GPR176: variants seen among roughly 807,000 people sequenced by gnomAD.
The protein encoded by GPR176 is G-protein coupled receptor 176.
Under a neutral mutation model 35.4 loss-of-function variants are expected in GPR176, and 26 were observed. The observed-to-expected ratio is 0.74, with a 90% confidence interval of 0.54 to 1.02. The LOEUF (loss-of-function observed/expected upper bound fraction) is 1.02, where lower values mean the gene tolerates loss of function less well. Ranked by LOEUF, GPR176 falls within the 50% of genes least tolerant of loss-of-function variation. The pLI is 0.00. For synonymous variants in GPR176, 278 were observed against 271.3 expected, an observed-to-expected ratio of 1.02 and a Z score of -0.24; for missense variants, 597 against 665.3, an observed-to-expected ratio of 0.90 and a Z score of 1.13.
intron 1 of GPR176, among the ~76,000 whole-genome samples, chr15:39,860,425 G>T (rs2031514783): frequency 6.6e-6 from 1 of 152,214 alleles, no homozygotes; most frequent in Non-Finnish European, 1.5e-5. Flanking sequence ...AAGCAAGGCT[G>T]ACTGCTTTCA....
Position 39,820,370 on chromosome 15 carries a change from T to C in GPR176, c.173-13112A>G, listed in dbSNP as rs139793168. 5.3e-4 allele frequency among the ~76,000 whole-genome samples: 80 copies of C among 152,312 alleles called. No individual in the cohort carries two copies. The Middle Eastern group carries it at 0.01, about 19-fold the overall frequency. ...TGCTCTGACCTGAAAGGATGAGTTA[T>C]AGCTCACAGGCCATGAGAGCCAGCC... On this transcript the variant is annotated intron_variant, in intron 1 of 2. Transcript: ENST00000561100.
At chr15:39,917,850 G>A (rs2033766896) in intron 1 of GPR176, among the ~76,000 whole-genome samples, 1 of 151,832 alleles carries the variant, frequency 6.6e-6, no homozygotes, top group Non-Finnish European at 1.5e-5. Flanking sequence ...TTCGAGACCA[G>A]CTTGGCCAAC....
chr15:39,834,970 C>T (rs1416871415), intron 1 of GPR176, among the ~76,000 whole-genome samples: 1 of 152,056 alleles, frequency 6.6e-6, no homozygotes, highest in Admixed American at 6.6e-5. Context: ...GTAATGTATA[C>T]CTCTTACCCT....
chr15:39,889,838 C>T (rs1298121519), intron 1 of GPR176, among the ~76,000 whole-genome samples: 1 of 152,094 alleles, frequency 6.6e-6, no homozygotes, highest in Non-Finnish European at 1.5e-5. Flanking sequence ...TGAATGTATG[C>T]ACAAAAGAAA....
intron 1 of GPR176, among the ~76,000 whole-genome samples, chr15:39,848,915 T>TAAAAAAAAAAAAAACAAAAA (rs2030646326): frequency 3.5e-5 from 3 of 84,846 alleles, no homozygotes; most frequent in Non-Finnish European, 5.2e-5. Flanking sequence ...AAAAGCAAAG[T>TAAAAAAAAAAAAAACAAAAA]AAAAAAAAAA....
chr15:39,889,552 A>AT (rs2140857177), intron 1 of GPR176, among the ~76,000 whole-genome samples: 1 of 30,276 alleles, frequency 3.3e-5, no homozygotes, highest in South Asian at 1.1e-3. Flanking sequence ...CATCTCAAAA[A>AT]TAAAATAAAA....
chr15:39,902,050 C>T (rs1157805582), intron 1 of GPR176, among the ~76,000 whole-genome samples: 1 of 152,146 alleles, frequency 6.6e-6, no homozygotes, highest in Non-Finnish European at 1.5e-5. Context: ...TGCCACTGCA[C>T]TCCAGCCTGG....
intron 1 of GPR176, among the ~76,000 whole-genome samples, chr15:39,898,756 T>C (rs79798927): frequency 1.3e-5 from 2 of 152,160 alleles, no homozygotes; most frequent in African/African-American, 2.4e-5. Flanking sequence ...GAGTTGTTGA[T>C]TGCAGAGTAA....
At chr15:39,849,958 G>C (rs2030736574) in intron 1 of GPR176, among the ~76,000 whole-genome samples, 1 of 132,942 alleles carries the variant, frequency 7.5e-6, no homozygotes. Flanking sequence ...AACCTGTACA[G>C]GATGTCACTG....
chr15:39,865,240 G>A (rs956351595), intron 1 of GPR176, among the ~76,000 whole-genome samples: 1 of 152,136 alleles, frequency 6.6e-6, no homozygotes, highest in Admixed American at 6.5e-5. Flanking sequence ...TCAAAAAGAT[G>A]CCTGTACCCA....
chr15:39,868,407 C>A (rs2031913126), intron 1 of GPR176, among the ~76,000 whole-genome samples: 1 of 152,296 alleles, frequency 6.6e-6, no homozygotes, highest in Middle Eastern at 3.4e-3. Flanking sequence ...GAGTATCAGG[C>A]AGCTTCTAAA....
At chr15:39,810,468 C>A (rs1899476750) in intron 1 of GPR176, among the ~76,000 whole-genome samples, 1 of 152,150 alleles carries the variant, frequency 6.6e-6, no homozygotes, top group Non-Finnish European at 1.5e-5. Flanking sequence ...GGCTTTGCAT[C>A]TTTGAGAGCA....
chr15:39,859,934 G>T (rs2031485098), intron 1 of GPR176, among the ~76,000 whole-genome samples: 1 of 151,852 alleles, frequency 6.6e-6, no homozygotes, highest in Admixed American at 6.6e-5. Context: ...ACTTAAAAAT[G>T]GTTAAGATGG....
chr15:39,891,197 G>C (rs1002942759), intron 1 of GPR176, among the ~76,000 whole-genome samples: 4 of 152,044 alleles, frequency 2.6e-5, no homozygotes, highest in Non-Finnish European at 5.9e-5. Flanking sequence ...TTAGCAAATA[G>C]ACTAGAGCCT....
At chr15:39,880,148 C>A (rs1432676843) in intron 1 of GPR176, among the ~76,000 whole-genome samples, 1 of 152,200 alleles carries the variant, frequency 6.6e-6, no homozygotes, top group Non-Finnish European at 1.5e-5. Flanking sequence ...GAAATTCACT[C>A]TCTCACCTTC....
Position 39,821,898 on chromosome 15 carries a change from A to C in GPR176, c.173-14640T>G, listed in dbSNP as rs564361867. On this transcript the variant is annotated intron_variant, in intron 1 of 2. Coordinates refer to ENST00000561100, the MANE Select transcript of GPR176 (RefSeq NM_007223.3). ...CCCTGTGTGGGCCTCTCCCATAGTCAATGAAGTCGATATGTGTAAACAATA... is the reference window on the plus strand; with the variant it reads ...CCCTGTGTGGGCCTCTCCCATAGTCCATGAAGTCGATATGTGTAAACAATA... 2.2e-4 allele frequency among the ~76,000 whole-genome samples: 34 copies of C among 152,374 alleles called. No individual in the cohort carries two copies. In the East Asian group the frequency reaches 6.4e-3, roughly 28 times the overall value.
intron 1 of GPR176, among the ~76,000 whole-genome samples, chr15:39,861,306 C>T (rs373634672): frequency 1.5e-4 from 23 of 152,264 alleles, no homozygotes; most frequent in East Asian, 1.2e-3. Flanking sequence ...AATCCCAGCA[C>T]TTTGGGAGGC....
chr15:39,890,671 C>A (rs187628569), intron 1 of GPR176, among the ~76,000 whole-genome samples: 2 of 152,356 alleles, frequency 1.3e-5, no homozygotes, highest in East Asian at 3.9e-4. Flanking sequence ...AAATACCACA[C>A]ACACACAAGT....
Position 39,896,488 on chromosome 15 carries a change from T to A in GPR176, c.172+23367A>T, listed in dbSNP as rs533798616. ...AATCTCATATAAATATATAAATTGA[T>A]ACTTTCAAAGAATGTTATTCATGAG... On this transcript the variant is annotated intron_variant, in intron 1 of 2. Coordinates refer to ENST00000561100, the MANE Select transcript of GPR176 (RefSeq NM_007223.3). 1.0e-4 allele frequency among the ~76,000 whole-genome samples: 16 copies of A among 152,394 alleles called. No individual in the cohort carries two copies. The South Asian group carries it at 1.4e-3, about 14-fold the overall frequency.
Sources: gnomAD v4.1 joint callset for allele counts (sites outside exome capture counted in the v4.1 genomes callset) on GRCh38, gnomAD v4.1.1 for gene constraint, MANE v1.5 for transcripts, NCBI Gene and HGNC (gene_info 2026-07-23, HGNC 2026-07-21) for gene names.